UMAD1: variants seen among roughly 807,000 people sequenced by gnomAD.
UMAD1 encodes UBAP1-MVB12-associated (UMA)-domain containing protein 1.
UMAD1 carries 8 observed loss-of-function variants against 6.1 expected under a neutral mutation model. The ratio of observed to expected loss-of-function variants is 1.30; its 90% CI spans 0.76 to 2.35. The LOEUF (loss-of-function observed/expected upper bound fraction) is 2.35, where lower values mean the gene tolerates loss of function less well. UMAD1 is among the 30% of genes most tolerant of loss of function. The pLI is 0.00. For missense variants in UMAD1, 130 were observed against 78.4 expected (o/e 1.66, Z -2.49); for synonymous variants, 56 against 31.4 (o/e 1.78, Z -2.61).
intron 2 of UMAD1, among the ~76,000 whole-genome samples, chr7:7,681,357 T>C (rs1301242206): frequency 6.6e-6 from 1 of 152,146 alleles, no homozygotes; most frequent in Admixed American, 6.5e-5. Context: ...TGACTTGAAA[T>C]TCAGGTCTGG....
intron 2 of UMAD1, among the ~76,000 whole-genome samples, chr7:7,780,871 A>C (rs1262137979): frequency 1.3e-5 from 2 of 152,186 alleles, no homozygotes; most frequent in Non-Finnish European, 2.9e-5. Context: ...ACATAATGTT[A>C]ATTCCTATGT....
chr7:7,820,394 A>G (rs1783220113), intron 3 of UMAD1, among the ~76,000 whole-genome samples: 1 of 152,212 alleles, frequency 6.6e-6, no homozygotes, highest in Non-Finnish European at 1.5e-5. Flanking sequence ...TGGTTTCTAC[A>G]TGCATTGCCT....
chr7:7,670,727 G>C (rs555420114), intron 1 of UMAD1, among the ~76,000 whole-genome samples: 9 of 152,154 alleles, frequency 5.9e-5, no homozygotes, highest in Non-Finnish European at 8.8e-5. Context: ...CAAGTAATCT[G>C]CCCCTCCTTT....
intron 3 of UMAD1, among the ~76,000 whole-genome samples, chr7:7,864,125 A>G (rs1784179628): frequency 6.6e-6 from 1 of 152,186 alleles, no homozygotes; most frequent in Admixed American, 6.5e-5. Context: ...TAAACCCTCT[A>G]TTGACATCCT....
chr7:7,796,856 C>T (rs941219185), intron 2 of UMAD1, among the ~76,000 whole-genome samples: 6 of 152,112 alleles, frequency 3.9e-5, no homozygotes, highest in African/African-American at 1.4e-4. Flanking sequence ...TTGGCCCACT[C>T]CAAAACCCTT....
At chr7:7,797,002 A>G (rs924541557) in intron 2 of UMAD1, among the ~76,000 whole-genome samples, 3 of 152,172 alleles carry the variant, frequency 2.0e-5, no homozygotes, top group African/African-American at 7.2e-5. Context: ...TTATGTTGCT[A>G]TAAAGGAATA....
chr7:7,775,627 G>T (rs1030811686), intron 2 of UMAD1, among the ~76,000 whole-genome samples: 1 of 152,092 alleles, frequency 6.6e-6, no homozygotes, highest in African/African-American at 2.4e-5. Context: ...CCACTAGAAA[G>T]GCTAAAATTA....
intron 1 of UMAD1, among the ~76,000 whole-genome samples, chr7:7,668,524 T>C (rs1178810631): frequency 1.3e-5 from 2 of 152,200 alleles, no homozygotes; most frequent in African/African-American, 2.4e-5. Flanking sequence ...AACTTTATCA[T>C]AGATGTGTAC....
At chr7:7,693,295 TTATCTATCTATCTATC>T (rs1250261083) in intron 2 of UMAD1, among the ~76,000 whole-genome samples, 6 of 148,886 alleles carry the variant, frequency 4.0e-5, no homozygotes, top group African/African-American at 1.5e-4. Context: ...TAAAATATCT[TTATCTATCTATCTATC>T]TATCTATCTA....
intron 3 of UMAD1, among the ~76,000 whole-genome samples, chr7:7,814,884 A>G (rs1783094376): frequency 6.6e-6 from 1 of 152,242 alleles, no homozygotes; most frequent in East Asian, 1.9e-4. Context: ...TGATTTGAAG[A>G]TGCAGGTGAA....
At chr7:7,847,529 G>A (rs1263335453) in intron 3 of UMAD1, among the ~76,000 whole-genome samples, 1 of 151,896 alleles carries the variant, frequency 6.6e-6, no homozygotes, top group Non-Finnish European at 1.5e-5. Context: ...CTCTGAATGT[G>A]CAGTCAAAAT....
chr7:7,839,599 A>G (rs1312691825), intron 3 of UMAD1, among the ~76,000 whole-genome samples: 1 of 152,178 alleles, frequency 6.6e-6, no homozygotes, highest in African/African-American at 2.4e-5. Context: ...TAGGACTTAC[A>G]ATAGCATGTT....
At chr7:7,787,091 A>G (rs1330741345) in intron 2 of UMAD1, among the ~76,000 whole-genome samples, 1 of 152,202 alleles carries the variant, frequency 6.6e-6, no homozygotes, top group African/African-American at 2.4e-5. Flanking sequence ...TGCCCCCTAG[A>G]AAACTGCTGA....
At chr7:7,876,980 T>C (rs975399535) in intron 3 of UMAD1, among the ~76,000 whole-genome samples, 4 of 152,140 alleles carry the variant, frequency 2.6e-5, no homozygotes, top group African/African-American at 9.7e-5. Context: ...GTACATAGGA[T>C]TTGGAAAAGC....
intron 3 of UMAD1, among the ~76,000 whole-genome samples, chr7:7,827,141 A>ATGTGTGTGTGTGTG (rs1439982206): frequency 1.1e-4 from 15 of 135,016 alleles, no homozygotes; most frequent in African/African-American, 3.5e-4. Flanking sequence ...ATATATATAT[A>ATGTGTGTGTGTGTG]TATATATGTG....
chr7:7,712,916 T>TA (rs1336060420), intron 2 of UMAD1, among the ~76,000 whole-genome samples: 1 of 152,214 alleles, frequency 6.6e-6, no homozygotes, highest in Admixed American at 6.5e-5. Flanking sequence ...AATTCACCTG[T>TA]AAAAATTATC....
intron 1 of UMAD1, among the ~76,000 whole-genome samples, chr7:7,654,273 C>T (rs997382995): frequency 4.6e-5 from 7 of 152,134 alleles, no homozygotes; most frequent in Admixed American, 1.3e-4. Context: ...AATTGTTTGA[C>T]GTCTGTTTTA....
chr7:7,812,362 A>G (rs1448225312), intron 3 of UMAD1, among the ~76,000 whole-genome samples: 2 of 152,180 alleles, frequency 1.3e-5, no homozygotes, highest in East Asian at 1.9e-4. Flanking sequence ...CTGCTTTTGT[A>G]CCTCTGCTGG....
chr7:7,698,822 A>G (rs1330806757), intron 2 of UMAD1, among the ~76,000 whole-genome samples: 1 of 150,746 alleles, frequency 6.6e-6, no homozygotes, highest in African/African-American at 2.4e-5. Flanking sequence ...AAACCAGACC[A>G]TGACATTTCT....
Sources: allele counts gnomAD v4.1 joint callset (sites outside exome capture counted in the v4.1 genomes callset), GRCh38; gene constraint gnomAD v4.1.1; transcripts MANE v1.5; gene names NCBI Gene and HGNC (gene_info 2026-07-23, HGNC 2026-07-21).